Variants in CD28 observed in about 807,000 individuals in gnomAD.
The protein encoded by CD28 is CD28 molecule, also known as T-cell-specific surface glycoprotein CD28.
Under a neutral mutation model 21.4 loss-of-function variants are expected in CD28, and 8 were observed. The ratio of observed to expected loss-of-function variants is 0.37; its 90% CI spans 0.22 to 0.68. The LOEUF is 0.68. CD28 is among the 30% of genes least tolerant of loss of function. The pLI, the probability that CD28 is intolerant of heterozygous loss-of-function variation, is 0.55. For synonymous variants in CD28, 106 were observed against 104.0 expected, an observed-to-expected ratio of 1.02 and a Z score of -0.12; for missense variants, 239 against 272.2, an observed-to-expected ratio of 0.88 and a Z score of 0.86.
intron 2 of CD28, 74 bp downstream of exon 2, chr2:203,727,063 G>A (rs932391722): frequency 2.2e-6 from 2 of 915,774 alleles, no homozygotes; most frequent in Admixed American, 1.9e-5. Flanking sequence ...CTGGGTTGTG[G>A]TCAGTGGTGG....
chr2:203,710,379 A>T (rs1447135094), intron 1 of CD28, among the ~76,000 whole-genome samples: 1 of 152,268 alleles, frequency 6.6e-6, no homozygotes, highest in East Asian at 1.9e-4. Context: ...ATTAATATCA[A>T]TATATCAATA....
Position 203,729,734 on chromosome 2 carries a change from T to A in CD28, c.496T>A (p.Tyr166Asn). Residue 166 changes from tyrosine to asparagine, a missense_variant, in exon 3 of 4, where the codon TAT (tyrosine) becomes AAT (asparagine). Transcript: ENST00000324106. Reference sequence around the variant, plus strand: ...GGTGGTTGGTGGAGTCCTGGCTTGCTATAGCTTGCTAGTAACAGTGGCCTT... The same window carrying A: ...GGTGGTTGGTGGAGTCCTGGCTTGCAATAGCTTGCTAGTAACAGTGGCCTT... ...LVVVGGVLACYSLLVTVAFII... is the reference protein window; with the variant it reads ...LVVVGGVLACNSLLVTVAFII... 1 of 1,614,106 alleles carries A rather than the reference T, an allele frequency of 6.2e-7. No homozygotes were observed. Among genetic ancestry groups the A allele is most frequent in the South Asian group, 1.1e-5 (1 of 91,076 alleles).
At position 203,727,028 on chromosome 2, in the gene CD28, T is replaced by C. The variant is rs1384894641; in HGVS notation, c.409+39T>C. On this transcript the variant is annotated intron_variant, in intron 2 of 3. Coordinates refer to ENST00000324106, the MANE Select transcript of CD28 (RefSeq NM_006139.4). Reference sequence around the variant, plus strand: ...TTACCAGTGTACCACCCTAAAGTAATGGTTTTCAAATGCAGTCCTGAAAAC... The same window carrying C: ...TTACCAGTGTACCACCCTAAAGTAACGGTTTTCAAATGCAGTCCTGAAAAC... The C allele has an allele frequency of 6.1e-6, 8 of 1,304,004 alleles. No homozygotes were observed. The East Asian group carries it at 9.3e-5, about 15-fold the overall frequency. The allele number at this position is 1,304,004 out of a possible 1,614,324, so 80.8% of individuals were successfully genotyped here.
At chr2:203,729,531 C>G (rs199695596) in intron 2 of CD28, 117 bp from the exon 3 acceptor site, 31 of 1,068,822 alleles carry the variant, frequency 2.9e-5, no homozygotes, top group Middle Eastern at 2.2e-4. Flanking sequence ...TCACTCTAAG[C>G]TGGTGATATG....
chr2:203,707,454 T>C (rs1171611283), intron 1 of CD28, among the ~76,000 whole-genome samples: 2 of 152,210 alleles, frequency 1.3e-5, no homozygotes, highest in Non-Finnish European at 2.9e-5. Context: ...GTAATTACTC[T>C]ATCTACCTGA....
intron 1 of CD28, among the ~76,000 whole-genome samples, chr2:203,710,826 A>G (rs565237942): frequency 1.1e-4 from 17 of 152,320 alleles, no homozygotes; most frequent in African/African-American, 3.6e-4. Flanking sequence ...CCTTCAAAGC[A>G]CAATTGTTTC....
intron 3 of CD28, among the ~76,000 whole-genome samples, chr2:203,734,283 T>G (rs1245272991): frequency 6.6e-6 from 1 of 152,252 alleles, no homozygotes; most frequent in East Asian, 1.9e-4. Flanking sequence ...GACATAGGAA[T>G]GTACTAGTTG....
At chr2:203,714,872 G>A (rs1043147712) in intron 1 of CD28, among the ~76,000 whole-genome samples, 2 of 152,152 alleles carry the variant, frequency 1.3e-5, no homozygotes, top group Admixed American at 1.3e-4. Flanking sequence ...ATGACTGCTG[G>A]ACTTTGAGGG....
In CD28 at chr2:203,735,158, T is replaced by C. The variant is rs202151959; in HGVS notation, c.*246T>C. The C allele has an allele frequency of 1.2e-5, 6 of 492,888 alleles. No individual in the cohort carries two copies. Among genetic ancestry groups the C allele is most frequent in the African/African-American group, 2.0e-5 (1 of 50,666 alleles). 30.5% of individuals were successfully genotyped at this position (492,888 alleles called of 1,614,324 possible). ...CCATGGCCCACATTCCAACTTACCATGTACTTAGTGACTTGACTGAGAAGT... is the reference window on the plus strand; with the variant it reads ...CCATGGCCCACATTCCAACTTACCACGTACTTAGTGACTTGACTGAGAAGT... On this transcript the variant is annotated 3_prime_UTR_variant, in exon 4 of 4. Transcript: ENST00000324106.
At chr2:203,721,353 G>C (rs3116488) in intron 1 of CD28, among the ~76,000 whole-genome samples, 114,809 of 152,062 alleles carry the variant, frequency 0.76, 43,508 homozygotes, top group East Asian at 0.92. Flanking sequence ...GAGAGCCCAA[G>C]CTCTCTAATG....
At position 203,736,654 on chromosome 2, in the gene CD28, A is replaced by T. The variant is rs894404755; in HGVS notation, c.*1742A>T. On this transcript the variant is annotated 3_prime_UTR_variant, in exon 4 of 4. Coordinates refer to ENST00000324106, the MANE Select transcript of CD28 (RefSeq NM_006139.4). ...CTTCAGTGGCCCTCACCATTTGTTC[A>T]TGCTTCAGTTAATTCAGGTGTTGAA... 1 of 152,224 alleles carries T rather than the reference A, an allele frequency of 6.6e-6. No individual in the cohort carries two copies. The highest frequency in any genetic ancestry group is 2.4e-5 in the African/African-American group (1 of 41,458). The allele number at this position is 152,224 out of a possible 1,614,324, so 9.4% of individuals were successfully genotyped here. A position where few individuals can be genotyped will look rare whatever the true frequency, so the allele number is the denominator to read the frequency against.
rs374829908 is a variant in CD28, at chr2:203,722,418, A to G, written c.53-4215A>G. Among the ~76,000 whole-genome samples, 77 of 152,362 alleles carry G rather than the reference A, an allele frequency of 5.1e-4. No individual in the cohort carries two copies. The South Asian group carries it at 0.016, about 32-fold the overall frequency. On this transcript the variant is annotated intron_variant, in intron 1 of 3. Transcript: ENST00000324106. ...GTTTATTTTTCAGTGCTTTTGCAAA[A>G]TATTTGTGGAACAAATAATAGGTGA...
chr2:203,714,305 T>C (rs1559551089), intron 1 of CD28, among the ~76,000 whole-genome samples: 1 of 152,152 alleles, frequency 6.6e-6, no homozygotes, highest in Non-Finnish European at 1.5e-5. Context: ...ATGCACACTA[T>C]GGCTAGGCTT....
chr2:203,717,537 T>C (rs1182511785), intron 1 of CD28, among the ~76,000 whole-genome samples: 2 of 152,202 alleles, frequency 1.3e-5, no homozygotes, highest in Admixed American at 6.5e-5. Context: ...AGTCCTTTCA[T>C]AAATAACCTT....
At position 203,726,801 on chromosome 2, in the gene CD28, A is replaced by G; in HGVS notation, c.221A>G (p.Gln74Arg). The G allele has an allele frequency of 6.2e-7, 1 of 1,614,230 alleles. No homozygotes were observed. Among genetic ancestry groups the G allele is most frequent in the South Asian group, 1.1e-5 (1 of 91,086 alleles). ...TGTGTTGTATATGGGAATTACTCCC[A>G]GCAGCTTCAGGTTTACTCAAAAACG... The part of the protein sequence containing the change: ...EVCVVYGNYS[Q>R]QLQVYSKTGF... Residue 74 changes from glutamine to arginine, a missense_variant, in exon 2 of 4, where the codon CAG (glutamine) becomes CGG (arginine). Transcript: ENST00000324106.
intron 1 of CD28, among the ~76,000 whole-genome samples, chr2:203,712,181 G>T (rs1693332525): frequency 7.0e-6 from 1 of 142,558 alleles, no homozygotes; most frequent in Admixed American, 7.2e-5. Flanking sequence ...GACAGAGCGA[G>T]ATTCCGTCTC....
chr2:203,712,098 A>G (rs2106109231), intron 1 of CD28, among the ~76,000 whole-genome samples: 1 of 152,248 alleles, frequency 6.6e-6, no homozygotes, highest in Non-Finnish European at 1.5e-5. Context: ...AGGCTGAGGT[A>G]GGAGAATTGC....
chr2:203,711,571 A>G (rs546022178), intron 1 of CD28, among the ~76,000 whole-genome samples: 5 of 152,144 alleles, frequency 3.3e-5, no homozygotes, highest in Non-Finnish European at 7.4e-5. Flanking sequence ...TATCTTGGGT[A>G]TTGTGGCTGA....
intron 2 of CD28, among the ~76,000 whole-genome samples, chr2:203,729,269 A>G (rs1693828223): frequency 1.3e-5 from 2 of 152,184 alleles, no homozygotes; most frequent in Non-Finnish European, 2.9e-5. Flanking sequence ...GAAAACATGC[A>G]TATTATTTAA....
Sources: allele counts gnomAD v4.1 joint callset (sites outside exome capture counted in the v4.1 genomes callset), GRCh38; gene constraint gnomAD v4.1.1; transcripts MANE v1.5; gene names NCBI Gene and HGNC (gene_info 2026-07-23, HGNC 2026-07-21).